MFHAS1: variants seen among roughly 807,000 people sequenced by gnomAD.
MFHAS1 encodes the protein multifunctional ROCO family signaling regulator 1, also known as malignant fibrous histiocytoma-amplified sequence 1.
MFHAS1 carries 50 observed loss-of-function variants against 70.4 expected under a neutral mutation model. That is an observed-to-expected ratio of 0.71 (90% CI 0.57 to 0.90). MFHAS1 has a LOEUF of 0.90. MFHAS1 is among the 40% of genes least tolerant of loss of function. MFHAS1 has a pLI of 0.00. For missense variants in MFHAS1, 1,795 were observed against 1,347.6 expected (o/e 1.33, Z -5.20); for synonymous variants, 952 against 620.0 (o/e 1.54, Z -7.96).
chr8:8,870,641 CCA>C (rs564871573), intron 1 of MFHAS1, among the ~76,000 whole-genome samples: 2 of 151,888 alleles, frequency 1.3e-5, no homozygotes, highest in African/African-American at 2.4e-5. Context: ...TCTAACCACC[CCA>C]CACACACACA....
chr8:8,878,445 G>A (rs756239906), intron 1 of MFHAS1, among the ~76,000 whole-genome samples: 1 of 152,160 alleles, frequency 6.6e-6, no homozygotes, highest in Non-Finnish European at 1.5e-5. Context: ...CACTGTCTCT[G>A]CAACATGAGA....
Position 8,893,031 on chromosome 8 carries a change from T to C in MFHAS1, c.28A>G (p.Lys10Glu). Residue 10 changes from lysine to glutamate, a missense_variant, in exon 1 of 3, where the codon AAG becomes GAG. By Grantham distance (56) the Lys-to-Glu change is moderately conservative (BLOSUM62 1). Transcript: ENST00000276282. ...GCGTCCCGCCACAGCCTCGCGGTCT[T>C]CAGGTTGCCACTGTCCATCCCAGCC... is the stretch of plus-strand genomic sequence containing the variant. MAGMDSGNL[K>E]TARLWRDAAL... 6.5e-7 allele frequency: 1 copy of C among 1,533,128 alleles called. No individual in the cohort carries two copies. Among genetic ancestry groups the C allele is most frequent in the East Asian group, 2.6e-5 (1 of 38,716 alleles). The allele number at this position is 1,533,128 out of a possible 1,614,324, so 95.0% of individuals were successfully genotyped here.
At chr8:8,829,879 A>C (rs1355302548) in intron 1 of MFHAS1, among the ~76,000 whole-genome samples, 1 of 152,232 alleles carries the variant, frequency 6.6e-6, no homozygotes, top group Non-Finnish European at 1.5e-5. Flanking sequence ...ACGTGAGGTC[A>C]CGTTCAGAGG....
Position 8,865,276 on chromosome 8 carries a change from CAAAAAAA to C in MFHAS1, c.2998+24778_2998+24784del, listed in dbSNP as rs35910015. 2.3e-3 allele frequency among the ~76,000 whole-genome samples: 146 copies of C among 64,720 alleles called. 1 individual carries two copies. The highest frequency in any genetic ancestry group is 3.0e-3 in the Non-Finnish European group (105 of 35,146). 42.5% of individuals were successfully genotyped at this position (64,720 alleles called of 152,430 possible). ...TGGATGACAGAGTGAGACTCCATCT[CAAAAAAA>C]AAAAAAAAAAAAAAAAAGAAATGTT... On this transcript the variant is annotated intron_variant, in intron 1 of 2. Coordinates refer to ENST00000276282, the MANE Select transcript of MFHAS1 (RefSeq NM_004225.3).
chr8:8,850,245 T>C (rs147023651), intron 1 of MFHAS1, among the ~76,000 whole-genome samples: 24 of 152,334 alleles, frequency 1.6e-4, no homozygotes, highest in African/African-American at 5.5e-4. Flanking sequence ...TGGTAAATGT[T>C]AACAGTTAAA....
intron 1 of MFHAS1, among the ~76,000 whole-genome samples, chr8:8,832,052 G>GTGCA (rs1554481377): frequency 2.8e-5 from 1 of 35,814 alleles, no homozygotes; most frequent in Non-Finnish European, 6.9e-5. Flanking sequence ...ACATGCACGC[G>GTGCA]CGCGCGCGCG....
intron 1 of MFHAS1, among the ~76,000 whole-genome samples, chr8:8,837,213 G>T (rs1276237525): frequency 6.6e-6 from 1 of 152,138 alleles, no homozygotes; most frequent in African/African-American, 2.4e-5. Flanking sequence ...AGTTGAGCAA[G>T]ATCTTTATAT....
chr8:8,867,776 C>G (rs1808919030), intron 1 of MFHAS1, among the ~76,000 whole-genome samples: 1 of 152,084 alleles, frequency 6.6e-6, no homozygotes, highest in Non-Finnish European at 1.5e-5. Flanking sequence ...GCAGGATTGT[C>G]TCGATCTCCT....
At position 8,891,503 on chromosome 8, in the gene MFHAS1, A is replaced by G; in HGVS notation, c.1556T>C (p.Phe519Ser). The change falls in exon 1 of 3, where the codon TTC becomes TCC. Residue 519 changes from phenylalanine to serine, a missense_variant. Transcript: ENST00000276282. This position sits in a 1 kb window ranked among gnomAD's most constrained non-coding sequence, Gnocchi z 5.4. ...CACTCTCGCCCCGACCCGATGCAAGAAGGAGCCCACGGTGGTAGGAAAGTG... is the reference window on the plus strand; with the variant it reads ...CACTCTCGCCCCGACCCGATGCAAGGAGGAGCCCACGGTGGTAGGAAAGTG... The part of the protein sequence containing the change: ...PRHFPTTVGS[F>S]LHRVGARVPH... The G allele has an allele frequency of 1.2e-6, 2 of 1,613,072 alleles. No homozygotes were observed. Among genetic ancestry groups the G allele is most frequent in the Non-Finnish European group, 1.7e-6 (2 of 1,180,018 alleles).
At chr8:8,805,793 G>A (rs184251924) in intron 1 of MFHAS1, among the ~76,000 whole-genome samples, 1 of 152,280 alleles carries the variant, frequency 6.6e-6, no homozygotes, top group Non-Finnish European at 1.5e-5. Flanking sequence ...CACCTTCCGG[G>A]TTCAAGAGAT....
intron 1 of MFHAS1, among the ~76,000 whole-genome samples, chr8:8,868,893 G>C (rs1259439607): frequency 6.6e-6 from 1 of 152,158 alleles, no homozygotes; most frequent in Non-Finnish European, 1.5e-5. Flanking sequence ...GGAAAAAAAA[G>C]ACATTCTCTG....
chr8:8,823,676 C>T (rs897690714), intron 1 of MFHAS1, among the ~76,000 whole-genome samples: 2 of 150,786 alleles, frequency 1.3e-5, no homozygotes, highest in Non-Finnish European at 2.9e-5. Flanking sequence ...GCCACCACTT[C>T]CCTAATTCTC....
At chr8:8,884,028 T>C (rs945918075) in intron 1 of MFHAS1, among the ~76,000 whole-genome samples, 2 of 146,078 alleles carry the variant, frequency 1.4e-5, no homozygotes, top group Non-Finnish European at 3.0e-5. Flanking sequence ...AAAGGCCCTA[T>C]CTCTATTTCA....
chr8:8,790,617 G>C (rs1805688597), intron 2 of MFHAS1, among the ~76,000 whole-genome samples: 1 of 152,224 alleles, frequency 6.6e-6, no homozygotes, highest in Non-Finnish European at 1.5e-5. Context: ...TCCACATGTG[G>C]CCTTTTCTTA....
intron 1 of MFHAS1, among the ~76,000 whole-genome samples, chr8:8,846,029 G>A (rs1310785882): frequency 6.6e-6 from 1 of 152,092 alleles, no homozygotes; most frequent in East Asian, 1.9e-4. Flanking sequence ...AAGGCAGGCG[G>A]ATCACTTGAG....
At chr8:8,819,638 A>C (rs1806879897) in intron 1 of MFHAS1, among the ~76,000 whole-genome samples, 1 of 151,816 alleles carries the variant, frequency 6.6e-6, no homozygotes, top group African/African-American at 2.4e-5. Context: ...AATATCCAAG[A>C]ATCTGGCCAA....
Position 8,890,643 on chromosome 8 carries a change from G to T in MFHAS1, c.2416C>A (p.Leu806Met). ...GLLPAHVIRL[L>M]LKPHVQAQQD... ...TGGGCCTGGACATGAGGCTTAAGCAGCAACCGAATGACATGAGCTGGCAAG... is the reference window on the plus strand; with the variant it reads ...TGGGCCTGGACATGAGGCTTAAGCATCAACCGAATGACATGAGCTGGCAAG... Residue 806 changes from leucine (L) to methionine (M), a missense_variant, in exon 1 of 3, where the codon CTG (leucine) becomes ATG (methionine). Transcript: ENST00000276282. 6.2e-7 allele frequency: 1 copy of T among 1,613,624 alleles called. No individual in the cohort carries two copies.
intron 1 of MFHAS1, among the ~76,000 whole-genome samples, chr8:8,855,936 G>A (rs1808422648): frequency 6.6e-6 from 1 of 152,164 alleles, no homozygotes; most frequent in Admixed American, 6.5e-5. Context: ...ATGTGAAGGG[G>A]GTTATAAAAC....
intron 1 of MFHAS1, among the ~76,000 whole-genome samples, chr8:8,869,784 T>C (rs1809001689): frequency 6.6e-6 from 1 of 152,174 alleles, no homozygotes; most frequent in Non-Finnish European, 1.5e-5. Context: ...GTCTAATGGA[T>C]GAGGAAACCG....
Sources: gnomAD v4.1 joint callset for allele counts (sites outside exome capture counted in the v4.1 genomes callset) on GRCh38, gnomAD v4.1.1 for gene constraint, Gnocchi (gnomAD v3.1) non-coding constraint, MANE v1.5 for transcripts, NCBI Gene and HGNC (gene_info 2026-07-23, HGNC 2026-07-21) for gene names.